Variants in TAS2R1 observed in about 807,000 individuals in gnomAD.
The protein encoded by TAS2R1 is taste 2 receptor member 1.
For synonymous variants in TAS2R1, 141 were observed against 134.2 expected (o/e 1.05, Z -0.35); for missense variants, 370 against 353.4 (o/e 1.05, Z -0.38).
At chr5:9,684,834 A>T (rs78230497) in intron 1 of TAS2R1, among the ~76,000 whole-genome samples, 5,746 of 151,438 alleles carry the variant, frequency 0.038, 144 homozygotes, top group African/African-American at 0.078. Context: ...AATATGTACA[A>T]TGATTATGTA....
intron 2 of TAS2R1, among the ~76,000 whole-genome samples, chr5:9,645,897 G>T (rs1740177052): frequency 6.6e-6 from 1 of 152,116 alleles, no homozygotes; most frequent in Admixed American, 6.6e-5. Context: ...CTTACTGCTG[G>T]CCTTGACATT....
the TAS2R1 span, among the ~76,000 whole-genome samples, chr5:9,895,538 T>C: frequency 2.0e-5 from 3 of 152,260 alleles, no homozygotes; most frequent in Admixed American, 1.3e-4. Flanking sequence ...CGAGGCTTCC[T>C]TTTGAATCAG....
the TAS2R1 span, among the ~76,000 whole-genome samples, chr5:9,750,991 G>C: frequency 6.6e-6 from 1 of 151,700 alleles, no homozygotes; most frequent in African/African-American, 2.4e-5. Context: ...ACAACCAGAG[G>C]TAGGTGTAAT....
the TAS2R1 span, among the ~76,000 whole-genome samples, chr5:9,738,991 A>T: frequency 4.6e-5 from 7 of 152,312 alleles, no homozygotes; most frequent in South Asian, 1.5e-3. Context: ...GGCTATTTTA[A>T]TTCAGTTAAA....
intron 1 of TAS2R1, among the ~76,000 whole-genome samples, chr5:9,668,084 C>A (rs2126500556): frequency 6.6e-6 from 1 of 152,284 alleles, no homozygotes; most frequent in South Asian, 2.1e-4. Context: ...CCAAACTGAT[C>A]TGATAGAGTT....
At chr5:9,833,109 G>A in the TAS2R1 span, among the ~76,000 whole-genome samples, 2 of 152,170 alleles carry the variant, frequency 1.3e-5, no homozygotes, top group African/African-American at 4.8e-5. Flanking sequence ...AGTTTAGTCT[G>A]GCTCAGTGAA....
At chr5:9,743,308 C>CT in the TAS2R1 span, among the ~76,000 whole-genome samples, 7,811 of 148,110 alleles carry the variant, frequency 0.053, 220 homozygotes, top group African/African-American at 0.072. Flanking sequence ...CAGTGCTATT[C>CT]TTTTTTTTTT....
the TAS2R1 span, among the ~76,000 whole-genome samples, chr5:9,800,827 G>A: frequency 6.6e-6 from 1 of 152,144 alleles, no homozygotes; most frequent in African/African-American, 2.4e-5. Context: ...TAGAAGATGG[G>A]GTCTTTGGGA....
chr5:9,888,804 G>T, the TAS2R1 span, among the ~76,000 whole-genome samples: 4 of 152,348 alleles, frequency 2.6e-5, no homozygotes, highest in East Asian at 7.7e-4. Context: ...GACCACATGA[G>T]GGTGGGTGGG....
the TAS2R1 span, among the ~76,000 whole-genome samples, chr5:9,848,705 T>C: frequency 6.6e-6 from 1 of 151,670 alleles, no homozygotes; most frequent in East Asian, 1.9e-4. Flanking sequence ...ACTGTAAATT[T>C]ATACAATTTT....
intron 1 of TAS2R1, among the ~76,000 whole-genome samples, chr5:9,690,577 G>A (rs537103086): frequency 6.6e-6 from 1 of 152,166 alleles, no homozygotes; most frequent in Admixed American, 6.5e-5. Flanking sequence ...AGGAATCGTT[G>A]TCAGCCCAAT....
chr5:9,725,071 A>G, the TAS2R1 span, among the ~76,000 whole-genome samples: 1 of 152,214 alleles, frequency 6.6e-6, no homozygotes, highest in Admixed American at 6.5e-5. Flanking sequence ...CGTAGTGTAC[A>G]GGTGATGAGG....
At chr5:9,859,424 G>A in the TAS2R1 span, among the ~76,000 whole-genome samples, 1 of 152,220 alleles carries the variant, frequency 6.6e-6, no homozygotes, top group Non-Finnish European at 1.5e-5. Flanking sequence ...TTTTCATAGA[G>A]TGGGCTTGAT....
chr5:9,737,874 A>G, the TAS2R1 span, among the ~76,000 whole-genome samples: 1 of 152,200 alleles, frequency 6.6e-6, no homozygotes, highest in Admixed American at 6.5e-5. Context: ...TCTTTGTCCA[A>G]GGTGAGGCTA....
the TAS2R1 span, among the ~76,000 whole-genome samples, chr5:9,743,838 A>T: frequency 6.6e-6 from 1 of 152,156 alleles, no homozygotes; most frequent in Non-Finnish European, 1.5e-5. Context: ...GGAGGAGAGG[A>T]GGGAAAAAAT....
chr5:9,754,120 C>A, the TAS2R1 span, among the ~76,000 whole-genome samples: 1 of 152,116 alleles, frequency 6.6e-6, no homozygotes, highest in African/African-American at 2.4e-5. Flanking sequence ...AATCAATAAA[C>A]GTAATCCAGC....
the TAS2R1 span, among the ~76,000 whole-genome samples, chr5:9,859,205 A>G: frequency 6.6e-6 from 1 of 152,216 alleles, no homozygotes; most frequent in African/African-American, 2.4e-5. Context: ...CCCCCAAAAT[A>G]TACCTCCAAT....
chr5:9,665,971 T>G (rs1488889796), intron 1 of TAS2R1, among the ~76,000 whole-genome samples: 5 of 152,190 alleles, frequency 3.3e-5, no homozygotes, highest in Non-Finnish European at 5.9e-5. Flanking sequence ...CCTTGCTAGG[T>G]TTCAACCTAT....
the TAS2R1 span, among the ~76,000 whole-genome samples, chr5:9,773,864 A>G: frequency 6.6e-6 from 1 of 152,026 alleles, no homozygotes; most frequent in Non-Finnish European, 1.5e-5. Flanking sequence ...TTGACTTTTG[A>G]GTGCTTGCTA....
Sources: allele counts gnomAD v4.1 joint callset (sites outside exome capture counted in the v4.1 genomes callset), GRCh38; gene constraint gnomAD v4.1.1; transcripts MANE v1.5; gene names NCBI Gene and HGNC (gene_info 2026-07-23, HGNC 2026-07-21).